Variants in TRDN observed in about 807,000 individuals in gnomAD.
The protein encoded by TRDN is triadin in skeletal muscle.
TRDN carries 161 observed loss-of-function variants against 149.7 expected under a neutral mutation model. The ratio of observed to expected loss-of-function variants is 1.08; its 90% CI spans 0.95 to 1.23. The LOEUF (loss-of-function observed/expected upper bound fraction) is 1.23. TRDN is among the 50% of genes most tolerant of loss of function. The pLI, the probability that TRDN is intolerant of heterozygous loss-of-function variation, is 0.00. For missense variants in TRDN, 896 were observed against 823.5 expected (o/e 1.09, Z -1.08); for synonymous variants, 294 against 250.5 (o/e 1.17, Z -1.64).
chr6:123,300,585 A>G (rs1008057132), intron 24 of TRDN, among the ~76,000 whole-genome samples: 2 of 151,938 alleles, frequency 1.3e-5, no homozygotes, highest in Non-Finnish European at 2.9e-5. Flanking sequence ...ATGACACTAT[A>G]CTTGATTGAC....
At chr6:123,556,826 C>T (rs1781689952) in intron 2 of TRDN, among the ~76,000 whole-genome samples, 1 of 152,070 alleles carries the variant, frequency 6.6e-6, no homozygotes, top group Non-Finnish European at 1.5e-5. Flanking sequence ...TGTTGACATC[C>T]AAATCCCAAA....
chr6:123,550,815 C>T (rs1266378856), intron 2 of TRDN, among the ~76,000 whole-genome samples: 1 of 151,964 alleles, frequency 6.6e-6, no homozygotes, highest in African/African-American at 2.4e-5. Flanking sequence ...CTCCATGATT[C>T]ATTGATAATG....
intron 24 of TRDN, among the ~76,000 whole-genome samples, chr6:123,292,076 G>A (rs1582830181): frequency 6.6e-6 from 1 of 152,280 alleles, no homozygotes; most frequent in African/African-American, 2.4e-5. Flanking sequence ...GGGCTAGTGG[G>A]TACCTGCTCA....
chr6:123,540,106 A>G (rs1202813088), intron 4 of TRDN, among the ~76,000 whole-genome samples: 3 of 152,196 alleles, frequency 2.0e-5, no homozygotes, highest in African/African-American at 7.2e-5. Flanking sequence ...TTTTTTCCCC[A>G]TGCTAACCCA....
intron 38 of TRDN, among the ~76,000 whole-genome samples, chr6:123,250,118 T>C (rs61662735): frequency 0.011 from 1,651 of 152,056 alleles, 34 homozygotes; most frequent in South Asian, 0.077. Flanking sequence ...GAAAAATACC[T>C]AGGAATAAAT....
intron 19 of TRDN, among the ~76,000 whole-genome samples, chr6:123,372,063 C>T (rs1033760041): frequency 2.6e-5 from 4 of 152,054 alleles, no homozygotes; most frequent in African/African-American, 9.7e-5. Flanking sequence ...ATTTGGCATG[C>T]AGTGTGTGGT....
chr6:123,530,498 A>G lies in TRDN; in HGVS notation c.484+8T>C, dbSNP rs1371430255. ...AAATGAAGAATAAACATAAAATGAA[A>G]TGTTTACCTTTAGTTTGTATTTTCC... is the stretch of plus-strand genomic sequence containing the variant. On this transcript the variant is annotated splice_region_variant and intron_variant, in intron 5 of 40. Transcript: ENST00000334268. 7 of 1,233,140 alleles carry G rather than the reference A, an allele frequency of 5.7e-6. No individual in the cohort carries two copies. Among genetic ancestry groups the G allele is most frequent in the Non-Finnish European group, 7.6e-6 (7 of 923,378 alleles). The allele number at this position is 1,233,140 out of a possible 1,614,324, so 76.4% of individuals were successfully genotyped here. A position where few individuals can be genotyped will look rare whatever the true frequency, so the allele number is the denominator to read the frequency against.
At chr6:123,272,584 T>C (rs1777240099) in intron 29 of TRDN, among the ~76,000 whole-genome samples, 2 of 151,926 alleles carry the variant, frequency 1.3e-5, no homozygotes, top group Non-Finnish European at 2.9e-5. Context: ...TTCAGCATTT[T>C]TGGGACTTGG....
chr6:123,289,079 T>C (rs759099879), intron 24 of TRDN, among the ~76,000 whole-genome samples: 102 of 146,892 alleles, frequency 6.9e-4, no homozygotes, highest in Non-Finnish European at 7.4e-4. Context: ...GTATGTATAG[T>C]GTATATATAT....
chr6:123,436,972 C>A (rs1257376314), intron 12 of TRDN, among the ~76,000 whole-genome samples: 1 of 152,104 alleles, frequency 6.6e-6, no homozygotes, highest in Non-Finnish European at 1.5e-5. Context: ...GGAAATCTTT[C>A]AGGTGAGAAT....
intron 1 of TRDN, among the ~76,000 whole-genome samples, chr6:123,587,018 C>T (rs1459356913): frequency 2.6e-5 from 4 of 151,888 alleles, no homozygotes; most frequent in Admixed American, 1.3e-4. Context: ...GTACTTGCCC[C>T]TCCTCTAGAA....
chr6:123,356,821 G>A (rs1482674347), intron 20 of TRDN, among the ~76,000 whole-genome samples: 3 of 150,886 alleles, frequency 2.0e-5, no homozygotes, highest in Non-Finnish European at 4.4e-5. Flanking sequence ...AGAATCTGTA[G>A]TGATGATCCC....
intron 1 of TRDN, among the ~76,000 whole-genome samples, chr6:123,614,288 T>TAAAAAAAAAAAAAA (rs1216969453): frequency 5.1e-5 from 3 of 59,314 alleles, no homozygotes; most frequent in East Asian, 5.9e-4. Flanking sequence ...AGTGCTTCAT[T>TAAAAAAAAAAAAAA]AAAAAAAAAA....
intron 12 of TRDN, 28 bp downstream of exon 12, chr6:123,438,035 A>G (rs1321520415): frequency 6.3e-7 from 1 of 1,575,588 alleles, no homozygotes; most frequent in Admixed American, 1.8e-5. Flanking sequence ...AACGTAATCC[A>G]TCTAAGGAAA....
At position 123,399,125 on chromosome 6, in the gene TRDN, T is replaced by C. The variant is rs1220962166; in HGVS notation, c.1052-5448A>G. ...AAGACTATCGCTTCCATTTAACTCATCTAAGTATTTCTTAATTTGAAAAAA... is the reference window on the plus strand; with the variant it reads ...AAGACTATCGCTTCCATTTAACTCACCTAAGTATTTCTTAATTTGAAAAAA... On this transcript the variant is annotated intron_variant, in intron 12 of 40. Coordinates refer to ENST00000334268, the MANE Select transcript of TRDN (RefSeq NM_006073.4). Among the ~76,000 whole-genome samples, 3 of 152,216 alleles carry C rather than the reference T, an allele frequency of 2.0e-5. No homozygotes were observed. The East Asian group carries it at 5.8e-4, about 29-fold the overall frequency.
chr6:123,606,460 T>A (rs1019642962), intron 1 of TRDN, among the ~76,000 whole-genome samples: 6 of 152,088 alleles, frequency 3.9e-5, no homozygotes, highest in Non-Finnish European at 7.4e-5. Context: ...AATATGTCCA[T>A]CTTATTAAAA....
At chr6:123,515,523 T>A (rs1412111397) in intron 6 of TRDN, among the ~76,000 whole-genome samples, 2 of 151,086 alleles carry the variant, frequency 1.3e-5, no homozygotes, top group Non-Finnish European at 2.9e-5. Flanking sequence ...AAAGTCAGAT[T>A]ATAGGACATA....
chr6:123,244,874 C>A (rs1478847365), intron 38 of TRDN, among the ~76,000 whole-genome samples: 1 of 152,106 alleles, frequency 6.6e-6, no homozygotes, highest in Non-Finnish European at 1.5e-5. Flanking sequence ...AAAGGGAAGC[C>A]CATCAGACTA....
At chr6:123,501,838 T>C in intron 8 of TRDN, 1 of 908,354 alleles carries the variant, frequency 1.1e-6, no homozygotes, top group South Asian at 5.1e-5. Context: ...TATGGTAATA[T>C]AATGCTGTCT....
Sources: allele counts gnomAD v4.1 joint callset (sites outside exome capture counted in the v4.1 genomes callset), GRCh38; gene constraint gnomAD v4.1.1; transcripts MANE v1.5; gene names NCBI Gene and HGNC (gene_info 2026-07-23, HGNC 2026-07-21).